RIMS1: variants seen among roughly 807,000 people sequenced by gnomAD.
RIMS1 encodes regulating synaptic membrane exocytosis protein 1.
RIMS1 carries 83 observed loss-of-function variants against 214.1 expected under a neutral mutation model. The observed-to-expected ratio is 0.39, with a 90% confidence interval of 0.32 to 0.47. The LOEUF is 0.47. RIMS1 is among the 20% of genes least tolerant of loss of function. The pLI is 0.99. For synonymous variants in RIMS1, 793 were observed against 786.8 expected, an observed-to-expected ratio of 1.01 and a Z score of -0.13; for missense variants, 2,050 against 2,161.8, an observed-to-expected ratio of 0.95 and a Z score of 1.03.
Position 72,401,923 on chromosome 6 carries a change from A to G in RIMS1, c.*1209A>G, listed in dbSNP as rs2098837544. The G allele has an allele frequency of 6.6e-6, 1 of 152,652 alleles. No individual in the cohort carries two copies. The highest frequency in any genetic ancestry group is 1.5e-5 in the Non-Finnish European group (1 of 68,038). The allele number at this position is 152,652 out of a possible 1,614,324, so 9.5% of individuals were successfully genotyped here. On this transcript the variant is annotated 3_prime_UTR_variant, in exon 34 of 34. Coordinates refer to ENST00000521978, the MANE Select transcript of RIMS1 (RefSeq NM_014989.7). ...CACAAAGCTTGATTTTTTAATGCAA[A>G]GTATCTTACTTTTTGGGGGGAAAAT...
intron 8 of RIMS1, among the ~76,000 whole-genome samples, chr6:72,237,389 G>A (rs2064662175): frequency 6.6e-6 from 1 of 152,042 alleles, no homozygotes; most frequent in Non-Finnish European, 1.5e-5. Context: ...AATCAAAAAT[G>A]TAGGTGAAGC....
chr6:72,194,406 T>G (rs1258431956), intron 6 of RIMS1, among the ~76,000 whole-genome samples: 1 of 152,110 alleles, frequency 6.6e-6, no homozygotes, highest in Admixed American at 6.5e-5. Context: ...GTCATAGATA[T>G]ATACTACTAT....
intron 6 of RIMS1, among the ~76,000 whole-genome samples, chr6:72,204,682 C>T (rs1216087914): frequency 3.3e-5 from 5 of 152,118 alleles, no homozygotes; most frequent in Admixed American, 3.3e-4. Flanking sequence ...GAGAAATCAT[C>T]TTTCTACATT....
intron 26 of RIMS1, among the ~76,000 whole-genome samples, chr6:72,300,168 GA>G (rs978922051): frequency 6.6e-6 from 1 of 151,758 alleles, no homozygotes; most frequent in South Asian, 2.1e-4. Context: ...AGATTGATTA[GA>G]AAAATTCAGA....
intron 2 of RIMS1, among the ~76,000 whole-genome samples, chr6:72,094,331 A>G (rs1201207313): frequency 6.6e-6 from 1 of 152,128 alleles, no homozygotes; most frequent in Non-Finnish European, 1.5e-5. Context: ...GAGTGACCCA[A>G]ATGAAATGCT....
chr6:72,118,202 C>T lies in RIMS1; in HGVS notation c.471+18216C>T, dbSNP rs934083766. Among the ~76,000 whole-genome samples the T allele has an allele frequency of 9.9e-5, 15 of 151,150 alleles. No individual in the cohort carries two copies. In the East Asian group the frequency reaches 2.1e-3, roughly 21 times the overall value. On this transcript the variant is annotated intron_variant, in intron 4 of 33. Coordinates refer to ENST00000521978, the MANE Select transcript of RIMS1 (RefSeq NM_014989.7). ...AGATGGATACATTCCTGGAAATATACAATACTTCTAGATTAAATCAGGAAG... is the reference window on the plus strand; with the variant it reads ...AGATGGATACATTCCTGGAAATATATAATACTTCTAGATTAAATCAGGAAG...
At chr6:72,299,121 C>T (rs2094378779) in intron 26 of RIMS1, among the ~76,000 whole-genome samples, 1 of 151,836 alleles carries the variant, frequency 6.6e-6, no homozygotes. Flanking sequence ...AGTTTGGGGG[C>T]ATCGAAATAA....
chr6:72,258,411 C>A, intron 17 of RIMS1, 130 bp downstream of exon 17: 1 of 1,026,996 alleles, frequency 9.7e-7, no homozygotes, highest in Non-Finnish European at 1.3e-6. Context: ...TAATTGTAGG[C>A]AAAATTTTTT....
intron 6 of RIMS1, among the ~76,000 whole-genome samples, chr6:72,198,244 A>G (rs749554178): frequency 7.2e-5 from 11 of 152,240 alleles, no homozygotes; most frequent in Middle Eastern, 3.4e-3. Flanking sequence ...AAATGTGCAT[A>G]TACGCAATTA....
chr6:71,949,152 A>G (rs1423294314), intron 1 of RIMS1, among the ~76,000 whole-genome samples: 2 of 152,204 alleles, frequency 1.3e-5, no homozygotes, highest in Non-Finnish European at 2.9e-5. Flanking sequence ...TCAATGCAAT[A>G]TGCTAGTGCA....
intron 1 of RIMS1, among the ~76,000 whole-genome samples, chr6:71,926,419 C>T (rs2150835827): frequency 6.6e-6 from 1 of 152,248 alleles, no homozygotes; most frequent in South Asian, 2.1e-4. Flanking sequence ...CATCTCAGGT[C>T]ACATTAATAA....
chr6:72,345,719 G>C (rs1022051395), intron 29 of RIMS1, among the ~76,000 whole-genome samples: 5 of 151,752 alleles, frequency 3.3e-5, no homozygotes, highest in Non-Finnish European at 7.4e-5. Context: ...ACCATCACGG[G>C]ATGCTTGTAC....
intron 2 of RIMS1, among the ~76,000 whole-genome samples, chr6:71,988,793 TA>T (rs761053096): frequency 1.0e-3 from 157 of 152,330 alleles, no homozygotes; most frequent in Admixed American, 1.8e-3. Flanking sequence ...TTGGTAACAT[TA>T]TTTTTTTATT....
intron 4 of RIMS1, among the ~76,000 whole-genome samples, chr6:72,143,920 A>G (rs1460820821): frequency 6.6e-6 from 1 of 152,226 alleles, no homozygotes; most frequent in Non-Finnish European, 1.5e-5. Flanking sequence ...TAGCATATGT[A>G]TCCTGGAATT....
At chr6:72,153,927 A>C (rs2153908310) in intron 4 of RIMS1, among the ~76,000 whole-genome samples, 1 of 152,300 alleles carries the variant, frequency 6.6e-6, no homozygotes, top group East Asian at 1.9e-4. Context: ...GAAAAAATAG[A>C]ACTTCTTTGC....
chr6:72,284,940 A>T (rs879075229), intron 24 of RIMS1, among the ~76,000 whole-genome samples: 1 of 152,218 alleles, frequency 6.6e-6, no homozygotes, highest in Non-Finnish European at 1.5e-5. Context: ...ATCCAGATAC[A>T]TAAAAGTATG....
chr6:72,134,906 G>C (rs2041030465), intron 4 of RIMS1, among the ~76,000 whole-genome samples: 1 of 152,184 alleles, frequency 6.6e-6, no homozygotes, highest in Non-Finnish European at 1.5e-5. Flanking sequence ...AAGTTAAATG[G>C]GAGAAAGAAA....
intron 2 of RIMS1, among the ~76,000 whole-genome samples, chr6:71,985,600 G>A (rs140180752): frequency 9.9e-5 from 15 of 152,212 alleles, no homozygotes; most frequent in African/African-American, 2.6e-4. Context: ...TTTGAAATAT[G>A]TCTTGGGTGG....
chr6:72,400,886 A>G lies in RIMS1; in HGVS notation c.*172A>G. The G allele has an allele frequency of 1.7e-6, 1 of 586,836 alleles. No homozygotes were observed. The highest frequency in any genetic ancestry group is 3.0e-5 in the Admixed American group (1 of 33,214). 36.4% of individuals were successfully genotyped at this position (586,836 alleles called of 1,614,324 possible). On this transcript the variant is annotated 3_prime_UTR_variant, in exon 34 of 34. Coordinates refer to ENST00000521978, the MANE Select transcript of RIMS1 (RefSeq NM_014989.7). ...GTTATTTAAAACATGGCTTCATATG[A>G]CAGAACAAGGCAATCTATCAAATTT...
Sources: allele counts gnomAD v4.1 joint callset (sites outside exome capture counted in the v4.1 genomes callset), GRCh38; gene constraint gnomAD v4.1.1; transcripts MANE v1.5; gene names NCBI Gene and HGNC (gene_info 2026-07-23, HGNC 2026-07-21).